CNOT1: variants seen among roughly 807,000 people sequenced by gnomAD.
CNOT1 encodes CCR4-NOT transcription complex subunit 1.
Under a neutral mutation model 273.8 loss-of-function variants are expected in CNOT1, and 15 were observed. The ratio of observed to expected loss-of-function variants is 0.05; its 90% confidence interval spans 0.04 to 0.08. CNOT1 has a LOEUF of 0.08. Ranked by LOEUF, CNOT1 falls within the 10% of genes least tolerant of loss-of-function variation. CNOT1 has a pLI of 1.00. For missense variants in CNOT1, 1,644 were observed against 2,912.2 expected (o/e 0.56, Z 10.02); for synonymous variants, 1,022 against 1,005.5 (o/e 1.02, Z -0.31).
intron 1 of CNOT1, among the ~76,000 whole-genome samples, chr16:58,620,606 G>A (rs977752181): frequency 2.2e-5 from 3 of 136,144 alleles, no homozygotes; most frequent in African/African-American, 8.4e-5. Context: ...CCAAGCTCGC[G>A]ACACTACATT....
Position 58,545,426 on chromosome 16 carries a change from T to C in CNOT1, c.4072A>G (p.Ser1358Gly), listed in dbSNP as rs2040227463. 1.2e-6 allele frequency: 2 copies of C among 1,614,034 alleles called. No individual in the cohort carries two copies. Among genetic ancestry groups the C allele is most frequent in the Non-Finnish European group, 1.7e-6 (2 of 1,179,980 alleles). Reference sequence around the variant, plus strand: ...GAATAGACATTGATGTCGTGGTAGCTGTACTGTGGCTGTGGTGGAACCGTG... The same window carrying C: ...GAATAGACATTGATGTCGTGGTAGCCGTACTGTGGCTGTGGTGGAACCGTG... ...TATVPPQPQY[S>G]YHDINVYSLA... The change falls in exon 30 of 49, where the codon AGC (serine) becomes GGC (glycine). Residue 1358 changes from serine (S) to glycine (G), a missense_variant. Ser to Gly is a moderately conservative substitution (Grantham distance 56). Around this residue, in one of 13 missense-constraint regions of CNOT1, gnomAD observed 133 missense variants for 230.4 expected, o/e 0.58. Transcript: ENST00000317147.
chr16:58,581,749 C>G (rs896512107), intron 10 of CNOT1, among the ~76,000 whole-genome samples: 2 of 152,024 alleles, frequency 1.3e-5, no homozygotes, highest in African/African-American at 4.8e-5. Flanking sequence ...GAAACCTCTG[C>G]CTCTTTGGTT....
In CNOT1 at chr16:58,524,546, C is replaced by A. The variant is rs555245420; in HGVS notation, c.6784+633G>T. On this transcript the variant is annotated intron_variant, in intron 46 of 48. Transcript: ENST00000317147. ...TAAATCCATCCCACATATAGGCATG[C>A]AGCATATATGCAACATCAATTCATC... 2.0e-4 allele frequency among the ~76,000 whole-genome samples: 30 copies of A among 152,150 alleles called. No individual in the cohort carries two copies. In the South Asian group the frequency reaches 5.8e-3, roughly 29 times the overall value.
chr16:58,521,170 A>T lies in CNOT1; in HGVS notation c.7052+13T>A. On this transcript the variant is annotated intron_variant, in intron 48 of 48. Transcript: ENST00000317147. ...TCTCATTCCTAGACAATTAAAAATTACTTTGAACTCACTTTTCGATTTCTG... is the reference window on the plus strand; with the variant it reads ...TCTCATTCCTAGACAATTAAAAATTTCTTTGAACTCACTTTTCGATTTCTG... 6.2e-7 allele frequency: 1 copy of T among 1,612,988 alleles called. No homozygotes were observed. The highest frequency in any genetic ancestry group is 8.5e-7 in the Non-Finnish European group (1 of 1,179,734).
intron 22 of CNOT1, among the ~76,000 whole-genome samples, chr16:58,553,420 C>T (rs963009759): frequency 2.6e-5 from 4 of 152,156 alleles, no homozygotes; most frequent in African/African-American, 7.2e-5. Flanking sequence ...GATTTTTATA[C>T]ACAAGATTCC....
intron 47 of CNOT1, among the ~76,000 whole-genome samples, chr16:58,522,237 CAAAAAAAAAAAAAAAAAA>C (rs56149974): frequency 5.1e-5 from 5 of 98,556 alleles, no homozygotes; most frequent in Admixed American, 1.0e-4. Context: ...GAGACTGTCT[CAAAAAAAAAAAAAAAAAA>C]AAAAAAAAAA....
In CNOT1 at chr16:58,547,635, A is replaced by C; in HGVS notation, c.3570T>G (p.Ser1190=). The C allele has an allele frequency of 6.2e-7, 1 of 1,613,846 alleles. No individual in the cohort carries two copies. The change falls in exon 26 of 49, where the codon TCT becomes TCG. Residue 1190 remains serine (S), a synonymous_variant. Coordinates refer to ENST00000317147, the MANE Select transcript of CNOT1 (RefSeq NM_016284.5). The surrounding 1 kb of genome is among the most constrained non-coding windows in gnomAD (Gnocchi z 4.0). ...DKAAANFSDR[S]LLKNLGHWLG... is the part of the protein sequence containing the mutation. ...GCCAATGTCCCAAGTTCTTCAGCAAAGAACGATCTGAGAAATTGGCTGCAG... is the reference window on the plus strand; with the variant it reads ...GCCAATGTCCCAAGTTCTTCAGCAACGAACGATCTGAGAAATTGGCTGCAG...
At chr16:58,610,858 A>G (rs1041219989) in intron 1 of CNOT1, among the ~76,000 whole-genome samples, 9 of 151,672 alleles carry the variant, frequency 5.9e-5, no homozygotes, top group Non-Finnish European at 1.2e-4. Flanking sequence ...AACATAAAAC[A>G]AACAAAACAA....
intron 47 of CNOT1, among the ~76,000 whole-genome samples, chr16:58,521,637 T>A (rs1482827191): frequency 6.6e-6 from 1 of 152,210 alleles, no homozygotes; most frequent in Admixed American, 6.5e-5. Context: ...ACAAAGTTAG[T>A]ACAAAAAGTA....
rs2040293607 is a variant in CNOT1, at chr16:58,547,441, C to T, written c.3639+125G>A. 1 of 1,502,204 alleles carries T rather than the reference C, an allele frequency of 6.7e-7. No homozygotes were observed. The highest frequency in any genetic ancestry group is 2.1e-5 in the Admixed American group (1 of 46,788). The allele number at this position is 1,502,204 out of a possible 1,614,324, so 93.1% of individuals were successfully genotyped here. ...TCCTTGCCTTACAAAAAGGGGTTAA[C>T]AACTCAAAACGTGGGCCAAAATCTT... On this transcript the variant is annotated intron_variant, in intron 26 of 48. Coordinates refer to ENST00000317147, the MANE Select transcript of CNOT1 (RefSeq NM_016284.5). The surrounding 1 kb of genome is among the most constrained non-coding windows in gnomAD (Gnocchi z 4.0).
chr16:58,564,677 G>A (rs1654366082), intron 16 of CNOT1, among the ~76,000 whole-genome samples: 1 of 152,074 alleles, frequency 6.6e-6, no homozygotes, highest in African/African-American at 2.4e-5. Context: ...TTCAAACTTA[G>A]AAGTGGCAAG....
At chr16:58,565,434 G>C (rs1384309989) in intron 16 of CNOT1, among the ~76,000 whole-genome samples, 1 of 152,030 alleles carries the variant, frequency 6.6e-6, no homozygotes, top group African/African-American at 2.4e-5. Flanking sequence ...TATTTTCTAT[G>C]AACAAAAACA....
In CNOT1 at chr16:58,541,550, G is replaced by A; in HGVS notation, c.4751C>T (p.Pro1584Leu). 6.2e-7 allele frequency: 1 copy of A among 1,614,018 alleles called. No homozygotes were observed. Among genetic ancestry groups the A allele is most frequent in the Non-Finnish European group, 8.5e-7 (1 of 1,179,902 alleles). The change falls in exon 34 of 49, where the codon CCT (proline) becomes CTT (leucine). Residue 1584 changes from proline (P) to leucine (L), a missense_variant. By Grantham distance (98) the Pro-to-Leu change is moderately conservative. Coordinates refer to ENST00000317147, the MANE Select transcript of CNOT1 (RefSeq NM_016284.5). ...EFARNVPGFLPTNDLSQPTGF... is the reference protein window; with the variant it reads ...EFARNVPGFLLTNDLSQPTGF... ...CGTGGGCTGACTTAAGTCATTTGTAGGTAAGAAGCCAGGAACATTGCGTGC... is the reference window on the plus strand; with the variant it reads ...CGTGGGCTGACTTAAGTCATTTGTAAGTAAGAAGCCAGGAACATTGCGTGC...
rs1320381165 is a variant in CNOT1 at position 58,622,344 on chromosome 16, GGGGGGGC to G, written c.-175+7377_-175+7383del. Among the ~76,000 whole-genome samples the G allele has an allele frequency of 4.0e-3, 229 of 57,452 alleles. 19 individuals carry two copies. The highest frequency in any genetic ancestry group is 0.011 in the African/African-American group (209 of 19,240). 37.7% of individuals were successfully genotyped at this position (57,452 alleles called of 152,430 possible). ...ATGTACCACTCTAGTGGGGGGGGGGGGGGGGGCGGGCGTGGACAATGGGCAAGGCAAA... is the reference window on the plus strand; with the variant it reads ...ATGTACCACTCTAGTGGGGGGGGGGGGGGCGTGGACAATGGGCAAGGCAAA... On this transcript the variant is annotated intron_variant, in intron 1 of 48. Coordinates refer to ENST00000317147, the MANE Select transcript of CNOT1 (RefSeq NM_016284.5).
rs907760568 is a variant in CNOT1, at chr16:58,545,298, G to A, written c.4137+63C>T. On this transcript the variant is annotated intron_variant, in intron 30 of 48. Transcript: ENST00000317147. The stretch of plus-strand genomic sequence containing the variant: ...AAGGGCAAAGAGCTGAAGAAAAGGT[G>A]GCCAAACAAAATTTACCTTATCACA... 7.2e-5 allele frequency: 115 copies of A among 1,590,314 alleles called. No individual in the cohort carries two copies. The Middle Eastern group carries it at 8.4e-4, about 12-fold the overall frequency.
At position 58,582,914 on chromosome 16, in the gene CNOT1, A is replaced by G; in HGVS notation, c.934-11T>C. Reference sequence around the variant, plus strand: ...CGGAGCAGAAATACTCTGTAGAAGTAAAACTTGAATTAAACAAACCCAACT... The same window carrying G: ...CGGAGCAGAAATACTCTGTAGAAGTGAAACTTGAATTAAACAAACCCAACT... On this transcript the variant is annotated splice_polypyrimidine_tract_variant and intron_variant, in intron 9 of 48. Transcript: ENST00000317147. 6.2e-7 allele frequency: 1 copy of G among 1,613,358 alleles called. No individual in the cohort carries two copies. The highest frequency in any genetic ancestry group is 8.5e-7 in the Non-Finnish European group (1 of 1,179,364).
chr16:58,543,074 C>T (rs1245106828), intron 31 of CNOT1: 2 of 1,202,170 alleles, frequency 1.7e-6, no homozygotes, highest in East Asian at 5.0e-5. Flanking sequence ...GCCTAAGCTA[C>T]AGAGTGAGAC....
chr16:58,625,893 G>C lies in CNOT1; in HGVS notation c.-175+3835C>G, dbSNP rs375293060. Among the ~76,000 whole-genome samples the C allele has an allele frequency of 8.6e-5, 13 of 151,152 alleles. No homozygotes were observed. The East Asian group carries it at 2.2e-3, about 25-fold the overall frequency. On this transcript the variant is annotated intron_variant, in intron 1 of 48. Transcript: ENST00000317147. ...AAAAAAAAAACTATTGTATACACTGGGGGGCAGAAGGTGTTGAGCCCCTTT... is the reference window on the plus strand; with the variant it reads ...AAAAAAAAAACTATTGTATACACTGCGGGGCAGAAGGTGTTGAGCCCCTTT...
intron 2 of CNOT1, among the ~76,000 whole-genome samples, chr16:58,591,791 T>G (rs1009413201): frequency 8.5e-5 from 13 of 152,084 alleles, no homozygotes; most frequent in African/African-American, 3.1e-4. Context: ...GATACTCCAT[T>G]ATTCGTGTGG....
Sources: allele counts gnomAD v4.1 joint callset (sites outside exome capture counted in the v4.1 genomes callset), GRCh38; gene constraint gnomAD v4.1.1; regional missense constraint gnomAD v4.1.1; non-coding constraint Gnocchi (gnomAD v3.1); transcripts MANE v1.5; gene names NCBI Gene and HGNC (gene_info 2026-07-23, HGNC 2026-07-21).